The following KIF15 variants were observed in gnomAD, a reference collection of about 807,000 sequenced individuals.
KIF15 encodes the protein kinesin family member 15.
Under a neutral mutation model 190.6 loss-of-function variants are expected in KIF15, and 140 were observed. The observed-to-expected ratio is 0.73, with a 90% CI of 0.64 to 0.84. The LOEUF is 0.84. KIF15 is among the 40% of genes least tolerant of loss of function. The pLI is 0.00. For synonymous variants in KIF15, 528 were observed against 551.3 expected, an observed-to-expected ratio of 0.96 and a Z score of 0.59; for missense variants, 1,372 against 1,584.4, an observed-to-expected ratio of 0.87 and a Z score of 2.28.
intron 6 of KIF15, 65 bp downstream of exon 6, chr3:44,785,007 A>C: frequency 7.7e-6 from 6 of 783,212 alleles, no homozygotes; most frequent in African/African-American, 1.7e-5. Flanking sequence ...AGCTACTGAT[A>C]ATTAGCTCAT....
intron 20 of KIF15, among the ~76,000 whole-genome samples, chr3:44,820,132 T>C (rs1184417039): frequency 1.3e-5 from 2 of 152,178 alleles, no homozygotes; most frequent in Non-Finnish European, 2.9e-5. Flanking sequence ...TTTGAACCTA[T>C]GTGTGTCTCT....
At chr3:44,827,595 G>T (rs941018916) in intron 23 of KIF15, 67 bp downstream of exon 23, 3 of 927,994 alleles carry the variant, frequency 3.2e-6, no homozygotes, top group Non-Finnish European at 1.7e-6. Flanking sequence ...TACCTAAAAG[G>T]CTTATTATAA....
At chr3:44,796,184 G>T (rs1483220531) in intron 8 of KIF15, among the ~76,000 whole-genome samples, 4 of 152,132 alleles carry the variant, frequency 2.6e-5, no homozygotes, top group Non-Finnish European at 4.4e-5. Flanking sequence ...TTTCTATTGA[G>T]ATATGAGGCT....
intron 16 of KIF15, among the ~76,000 whole-genome samples, chr3:44,809,625 G>T (rs956667196): frequency 3.3e-5 from 5 of 151,934 alleles, no homozygotes; most frequent in African/African-American, 1.2e-4. Context: ...CAGGAGGATT[G>T]CTTGAATCTA....
At chr3:44,866,935 C>G (rs1054064130) in intron 6 of KIF15, among the ~76,000 whole-genome samples, 7 of 152,204 alleles carry the variant, frequency 4.6e-5, no homozygotes, top group Non-Finnish European at 1.0e-4. Flanking sequence ...TTACCTTCAC[C>G]TCTCGCTGGC....
At chr3:44,781,043 T>G in intron 5 of KIF15, 121 bp downstream of exon 5, 2 of 702,174 alleles carry the variant, frequency 2.8e-6, no homozygotes, top group Non-Finnish European at 4.8e-6. Flanking sequence ...ATTAGGGAAA[T>G]TCCCTAGGCT....
At chr3:44,839,398 T>A (rs1434748859) in intron 27 of KIF15, among the ~76,000 whole-genome samples, 2 of 151,786 alleles carry the variant, frequency 1.3e-5, no homozygotes, top group African/African-American at 4.8e-5. Context: ...GAAAAGGAGA[T>A]GATGATTGGG....
intron 28 of KIF15, 116 bp downstream of exon 28, chr3:44,840,572 A>G: frequency 3.1e-6 from 2 of 637,050 alleles, no homozygotes; most frequent in South Asian, 3.8e-5. Flanking sequence ...TTTCACTAAT[A>G]CCCTCTGTCT....
At chr3:44,840,304 A>G (rs1318589589) in intron 27 of KIF15, 51 bp from the exon 28 acceptor site, 2 of 1,062,540 alleles carry the variant, frequency 1.9e-6, no homozygotes, top group Non-Finnish European at 2.8e-6. Flanking sequence ...TATTTGGACC[A>G]TGTACCCCAT....
rs1383322484 is a variant in KIF15, at chr3:44,778,107, A to T, written c.247-8A>T. ...ATGATATGTTAACATGTTTGGTTAC[A>T]TTTGTAGGAATCTGTATTCGCAACT... is the stretch of plus-strand genomic sequence containing the variant. On this transcript the variant is annotated splice_polypyrimidine_tract_variant and splice_region_variant and intron_variant, in intron 3 of 34. Transcript: ENST00000326047. The T allele has an allele frequency of 6.2e-7, 1 of 1,610,412 alleles. No homozygotes were observed. Among genetic ancestry groups the T allele is most frequent in the African/African-American group, 1.3e-5 (1 of 74,976 alleles).
chr3:44,866,880 G>A (rs1699328112), intron 6 of KIF15, among the ~76,000 whole-genome samples: 1 of 152,134 alleles, frequency 6.6e-6, no homozygotes, highest in African/African-American at 2.4e-5. Context: ...GTCCAGTCCT[G>A]CCAACATGTT....
chr3:44,852,672 G>T lies in KIF15; in HGVS notation c.4105-1G>T. 1 of 1,582,392 alleles carries T rather than the reference G, an allele frequency of 6.3e-7. No homozygotes were observed. ...CTTTTTGTTTTTTTAAAATTACTTAGGAGACAGAAAAGTTGCGTGCCGAAA... is the reference window on the plus strand; with the variant it reads ...CTTTTTGTTTTTTTAAAATTACTTATGAGACAGAAAAGTTGCGTGCCGAAA... On this transcript the variant is annotated splice_acceptor_variant, in intron 34 of 34. Transcript: ENST00000326047. LOFTEE classifies it high-confidence loss of function.
Position 44,781,933 on chromosome 3 carries a change from A to G in KIF15, c.361+1011A>G, listed in dbSNP as rs1257531558. 4.6e-5 allele frequency among the ~76,000 whole-genome samples: 7 copies of G among 152,062 alleles called. No individual in the cohort carries two copies. The East Asian group carries it at 9.6e-4, about 21-fold the overall frequency. The stretch of plus-strand genomic sequence containing the variant: ...AAACAGAGAAGTTAGCCTTTTGTCC[A>G]TGATATGGATTCCAGATTTTTCTCT... On this transcript the variant is annotated intron_variant, in intron 5 of 34. Transcript: ENST00000326047.
chr3:44,835,473 C>A (rs1181970499), intron 26 of KIF15, among the ~76,000 whole-genome samples: 1 of 151,914 alleles, frequency 6.6e-6, no homozygotes, highest in Non-Finnish European at 1.5e-5. Flanking sequence ...AACTCCTAAA[C>A]CCAAGTGATC....
intron 7 of KIF15, among the ~76,000 whole-genome samples, chr3:44,787,499 C>G (rs1199457541): frequency 6.6e-6 from 1 of 152,018 alleles, no homozygotes; most frequent in Non-Finnish European, 1.5e-5. Context: ...GGAATCAAGT[C>G]TCTTGATTCC....
intron 20 of KIF15, among the ~76,000 whole-genome samples, chr3:44,821,074 GC>G: frequency 6.9e-6 from 1 of 145,008 alleles, no homozygotes; most frequent in African/African-American, 2.6e-5. Context: ...AGGCCGGGTG[GC>G]GGGCTGACCC....
rs189196748 is a variant in KIF15 at position 44,816,242 on chromosome 3, T to A, written c.2549+1166T>A. 1.4e-3 allele frequency among the ~76,000 whole-genome samples: 212 copies of A among 152,334 alleles called. 1 individual carries two copies. The highest frequency in any genetic ancestry group is 2.5e-3 in the Non-Finnish European group (167 of 68,036). On this transcript the variant is annotated intron_variant, in intron 20 of 34. Coordinates refer to ENST00000326047, the MANE Select transcript of KIF15 (RefSeq NM_020242.3). ...CTGCTGCTGCTGCTTCTCCTTTTTT[T>A]AAAATTTTTTTAAATTTTACTTTAA...
intron 11 of KIF15, among the ~76,000 whole-genome samples, chr3:44,801,011 G>GT (rs76564974): frequency 0.077 from 10,797 of 140,430 alleles, 431 homozygotes; most frequent in African/African-American, 0.12. Context: ...CGGTCTCATT[G>GT]TTTTTTTTTT....
intron 1 of KIF15, among the ~76,000 whole-genome samples, chr3:44,769,602 G>A (rs1051660034): frequency 6.6e-6 from 1 of 152,136 alleles, no homozygotes; most frequent in Non-Finnish European, 1.5e-5. Flanking sequence ...TAATCGGCAG[G>A]AGTTAGTCAT....
Sources: allele counts gnomAD v4.1 joint callset (sites outside exome capture counted in the v4.1 genomes callset), GRCh38; gene constraint gnomAD v4.1.1; transcripts MANE v1.5; gene names NCBI Gene and HGNC (gene_info 2026-07-23, HGNC 2026-07-21).